PTPRD: variants seen among roughly 807,000 people sequenced by gnomAD.
PTPRD encodes the protein protein tyrosine phosphatase receptor type D, also known as receptor-type tyrosine-protein phosphatase delta.
In PTPRD, 34 loss-of-function variants were observed where a neutral mutation model predicts 214.5. The ratio of observed to expected loss-of-function variants is 0.16; its 90% CI spans 0.12 to 0.21. The LOEUF is 0.21. Ranked by LOEUF, PTPRD falls within the 10% of genes least tolerant of loss-of-function variation. The pLI, the probability that PTPRD is intolerant of heterozygous loss-of-function variation, is 1.00. For missense variants in PTPRD, 2,545 were observed against 2,398.7 expected (o/e 1.06, Z -1.27); for synonymous variants, 1,128 against 845.7 (o/e 1.33, Z -5.79).
At chr9:9,589,267 T>C (rs111266655) in intron 7 of PTPRD, among the ~76,000 whole-genome samples, 11 of 152,042 alleles carry the variant, frequency 7.2e-5, no homozygotes, top group African/African-American at 2.4e-4. Flanking sequence ...TAAAATCCTC[T>C]TAAGGATTTT....
At chr9:10,178,221 A>G (rs1416655670) in intron 3 of PTPRD, among the ~76,000 whole-genome samples, 1 of 151,960 alleles carries the variant, frequency 6.6e-6, no homozygotes, top group Non-Finnish European at 1.5e-5. Context: ...GATTGTGCCA[A>G]TGGAAAGCTA....
At chr9:9,768,195 A>G (rs1453462645) in intron 5 of PTPRD, among the ~76,000 whole-genome samples, 1 of 152,116 alleles carries the variant, frequency 6.6e-6, no homozygotes, top group African/African-American at 2.4e-5. Flanking sequence ...TTGGATAGCT[A>G]ATCAGCCAAC....
At chr9:9,757,607 C>A (rs1254827377) in intron 6 of PTPRD, among the ~76,000 whole-genome samples, 1 of 152,012 alleles carries the variant, frequency 6.6e-6, no homozygotes, top group Non-Finnish European at 1.5e-5. Context: ...ACCCAATCTT[C>A]CTATTCTCTT....
chr9:10,099,096 C>T (rs1398100336), intron 3 of PTPRD, among the ~76,000 whole-genome samples: 2 of 151,752 alleles, frequency 1.3e-5, no homozygotes, highest in East Asian at 3.9e-4. Context: ...TGACATTGCT[C>T]TTGAGTTCCA....
chr9:8,374,522 T>C (rs925286531), intron 39 of PTPRD, among the ~76,000 whole-genome samples: 1 of 152,058 alleles, frequency 6.6e-6, no homozygotes, highest in Non-Finnish European at 1.5e-5. Flanking sequence ...CAAAGGACCC[T>C]GTCTTGGATG....
At chr9:10,410,947 G>T (rs1195973673) in intron 2 of PTPRD, among the ~76,000 whole-genome samples, 1 of 151,692 alleles carries the variant, frequency 6.6e-6, no homozygotes, top group African/African-American at 2.4e-5. Context: ...CCAGGCATCA[G>T]TTCCTTATCA....
At chr9:8,382,202 A>G (rs923741896) in intron 37 of PTPRD, among the ~76,000 whole-genome samples, 7 of 152,266 alleles carry the variant, frequency 4.6e-5, no homozygotes, top group Admixed American at 4.6e-4. Flanking sequence ...CAGTACAACT[A>G]TGTTGGGTAT....
intron 12 of PTPRD, among the ~76,000 whole-genome samples, chr9:8,721,861 C>G (rs1314025041): frequency 2.0e-5 from 3 of 152,158 alleles, no homozygotes; most frequent in Admixed American, 6.5e-5. Flanking sequence ...CCTTCCAAAC[C>G]CCATATTAAT....
chr9:9,865,286 CA>C (rs147357594), intron 5 of PTPRD, among the ~76,000 whole-genome samples: 47 of 152,284 alleles, frequency 3.1e-4, no homozygotes, highest in African/African-American at 1.1e-3. Flanking sequence ...CCCAATGTGG[CA>C]GTATTGAGAG....
intron 8 of PTPRD, among the ~76,000 whole-genome samples, chr9:9,522,913 C>G (rs1389510264): frequency 6.6e-6 from 1 of 152,128 alleles, no homozygotes; most frequent in Non-Finnish European, 1.5e-5. Context: ...GAAAACACAG[C>G]TGCTTTGCAC....
At chr9:10,052,498 A>C (rs2154155343) in intron 3 of PTPRD, among the ~76,000 whole-genome samples, 1 of 152,284 alleles carries the variant, frequency 6.6e-6, no homozygotes, top group Non-Finnish European at 1.5e-5. Flanking sequence ...CTATGCAAAA[A>C]AGGAGAAACT....
chr9:9,535,695 G>A (rs1334634864), intron 8 of PTPRD, among the ~76,000 whole-genome samples: 1 of 152,006 alleles, frequency 6.6e-6, no homozygotes, highest in African/African-American at 2.4e-5. Flanking sequence ...AACAAGCTGA[G>A]CAGAAATGTG....
intron 5 of PTPRD, among the ~76,000 whole-genome samples, chr9:9,841,651 G>C (rs927072542): frequency 2.6e-5 from 4 of 152,104 alleles, no homozygotes; most frequent in Non-Finnish European, 5.9e-5. Flanking sequence ...ACTGGAGATA[G>C]CAAGTAGTTA....
At chr9:10,409,126 G>A (rs10959094) in intron 2 of PTPRD, among the ~76,000 whole-genome samples, 112,502 of 151,570 alleles carry the variant, frequency 0.74, 42,395 homozygotes, top group East Asian at 0.81. Context: ...AGAAAAATAC[G>A]TAACATAAAT....
chr9:10,058,414 C>T (rs367628), intron 3 of PTPRD, among the ~76,000 whole-genome samples: 31,892 of 151,902 alleles, frequency 0.21, 8,151 homozygotes, highest in African/African-American at 0.61. Flanking sequence ...TTAAAAAAAC[C>T]ACTTGCAATT....
chr9:10,458,147 C>A (rs1332916524), intron 2 of PTPRD, among the ~76,000 whole-genome samples: 1 of 151,892 alleles, frequency 6.6e-6, no homozygotes, highest in African/African-American at 2.4e-5. Flanking sequence ...TAATATTAAT[C>A]CTTCTTAACT....
chr9:10,063,188 T>C (rs1048826441), intron 3 of PTPRD, among the ~76,000 whole-genome samples: 1 of 152,036 alleles, frequency 6.6e-6, no homozygotes, highest in African/African-American at 2.4e-5. Flanking sequence ...CAAAGAAGAA[T>C]TGTGTAAATT....
intron 2 of PTPRD, among the ~76,000 whole-genome samples, chr9:10,465,063 T>C (rs988152281): frequency 1.3e-5 from 2 of 152,286 alleles, no homozygotes; most frequent in Admixed American, 6.5e-5. Flanking sequence ...ATATGTGTTA[T>C]AAAGGTGAAT....
chr9:9,265,810 G>A (rs898235692), intron 9 of PTPRD, among the ~76,000 whole-genome samples: 1 of 150,858 alleles, frequency 6.6e-6, no homozygotes, highest in African/African-American at 2.4e-5. Flanking sequence ...AATAAAGAAA[G>A]GAACAAAGAA....
Sources: allele counts gnomAD v4.1 joint callset (sites outside exome capture counted in the v4.1 genomes callset), GRCh38; gene constraint gnomAD v4.1.1; transcripts MANE v1.5; gene names NCBI Gene and HGNC (gene_info 2026-07-23, HGNC 2026-07-21).